CNTN5: variants seen among roughly 807,000 people sequenced by gnomAD.
The protein encoded by CNTN5 is contactin-5.
In CNTN5, 77 loss-of-function variants were observed where a neutral mutation model predicts 129.1. The ratio of observed to expected loss-of-function variants is 0.60; its 90% CI spans 0.50 to 0.72. The LOEUF (loss-of-function observed/expected upper bound fraction) is 0.72. Ranked by LOEUF, CNTN5 falls within the 30% of genes least tolerant of loss-of-function variation. The pLI is 0.00. For missense variants in CNTN5, 1,478 were observed against 1,328.8 expected (o/e 1.11, Z -1.75); for synonymous variants, 509 against 465.6 (o/e 1.09, Z -1.20).
rs1303196271 is a variant in CNTN5, at chr11:100,278,848, A to C, written c.2314+7607A>C. 3.3e-5 allele frequency among the ~76,000 whole-genome samples: 5 copies of C among 152,030 alleles called. No individual in the cohort carries two copies. In the East Asian group the frequency reaches 9.7e-4, roughly 29 times the overall value. On this transcript the variant is annotated intron_variant, in intron 18 of 24. Coordinates refer to ENST00000524871, the MANE Select transcript of CNTN5 (RefSeq NM_014361.4). Reference sequence around the variant, plus strand: ...TAGGACTTCCAGTACTATGCTGAAAAATAGTGGTGAAACTGGGCATTCTTG... The same window carrying C: ...TAGGACTTCCAGTACTATGCTGAAACATAGTGGTGAAACTGGGCATTCTTG...
At chr11:100,291,969 CAAAT>C (rs1950991991) in intron 18 of CNTN5, among the ~76,000 whole-genome samples, 1 of 151,818 alleles carries the variant, frequency 6.6e-6, no homozygotes, top group South Asian at 2.1e-4. Flanking sequence ...ACCTCAGCCT[CAAAT>C]AAATCCTAAG....
chr11:99,896,069 G>A (rs1949198081), intron 6 of CNTN5, among the ~76,000 whole-genome samples: 1 of 152,112 alleles, frequency 6.6e-6, no homozygotes, highest in African/African-American at 2.4e-5. Context: ...CCCAGAGGTA[G>A]CTAACAGGCC....
intron 6 of CNTN5, among the ~76,000 whole-genome samples, chr11:99,886,915 T>C (rs1948915447): frequency 6.6e-6 from 1 of 152,148 alleles, no homozygotes; most frequent in Non-Finnish European, 1.5e-5. Flanking sequence ...AAAGGATCTA[T>C]AAGCGCTTAT....
intron 19 of CNTN5, 136 bp downstream of exon 19, chr11:100,297,831 T>C: frequency 1.5e-6 from 1 of 647,886 alleles, no homozygotes; most frequent in South Asian, 1.9e-5. Flanking sequence ...AATGAACCAC[T>C]GCTGAATAAA....
chr11:99,942,937 T>C (rs2136118229), intron 7 of CNTN5, among the ~76,000 whole-genome samples: 1 of 152,246 alleles, frequency 6.6e-6, no homozygotes, highest in South Asian at 2.1e-4. Context: ...ATTTTCTTTA[T>C]CCAGTCTATC....
At chr11:99,271,510 C>A (rs866593552) in intron 1 of CNTN5, among the ~76,000 whole-genome samples, 1 of 151,748 alleles carries the variant, frequency 6.6e-6, no homozygotes, top group African/African-American at 2.4e-5. Flanking sequence ...TGCTACATAA[C>A]AAATTACTCC....
chr11:99,745,925 A>G (rs1314226171), intron 3 of CNTN5, among the ~76,000 whole-genome samples: 4 of 152,202 alleles, frequency 2.6e-5, no homozygotes, highest in African/African-American at 4.8e-5. Context: ...AGAACTAGCC[A>G]AGAAGACCAG....
chr11:99,522,664 C>A (rs2515381), intron 2 of CNTN5, among the ~76,000 whole-genome samples: 1 of 151,968 alleles, frequency 6.6e-6, no homozygotes, highest in Non-Finnish European at 1.5e-5. Flanking sequence ...GATTTTCTGC[C>A]TTTAATGTAG....
At chr11:99,222,220 CAT>C (rs1860428966) in intron 1 of CNTN5, among the ~76,000 whole-genome samples, 1 of 151,204 alleles carries the variant, frequency 6.6e-6, no homozygotes, top group Non-Finnish European at 1.5e-5. Flanking sequence ...AATTTATAGA[CAT>C]ATAGATTATA....
intron 1 of CNTN5, among the ~76,000 whole-genome samples, chr11:99,312,321 T>C (rs1000366542): frequency 6.6e-5 from 10 of 152,184 alleles, no homozygotes; most frequent in Admixed American, 2.6e-4. Context: ...TAAAAAATTA[T>C]CTTGTCACTT....
At chr11:100,181,250 C>A (rs902664419) in intron 13 of CNTN5, among the ~76,000 whole-genome samples, 1 of 151,878 alleles carries the variant, frequency 6.6e-6, no homozygotes, top group Admixed American at 6.6e-5. Flanking sequence ...CTGATACATG[C>A]AACAATTTGG....
At chr11:99,563,534 A>C (rs928991561) in intron 3 of CNTN5, among the ~76,000 whole-genome samples, 1 of 152,242 alleles carries the variant, frequency 6.6e-6, no homozygotes, top group Non-Finnish European at 1.5e-5. Context: ...GCAGCATAAC[A>C]AATCAGCCCA....
intron 3 of CNTN5, among the ~76,000 whole-genome samples, chr11:99,680,843 G>A (rs1286998360): frequency 6.6e-6 from 1 of 151,736 alleles, no homozygotes; most frequent in African/African-American, 2.4e-5. Flanking sequence ...TCCATAGCCT[G>A]TGATTCTGCT....
intron 1 of CNTN5, among the ~76,000 whole-genome samples, chr11:99,026,452 A>G (rs1863109502): frequency 6.6e-6 from 1 of 151,162 alleles, no homozygotes; most frequent in South Asian, 2.1e-4. Context: ...GAGAATTGAA[A>G]CTCTAAGCTT....
At chr11:99,404,998 A>G (rs1337385184) in intron 2 of CNTN5, among the ~76,000 whole-genome samples, 1 of 152,186 alleles carries the variant, frequency 6.6e-6, no homozygotes, top group Non-Finnish European at 1.5e-5. Context: ...ATACTATTCT[A>G]AGGTAAAACT....
chr11:100,228,987 A>G (rs932682988), intron 16 of CNTN5, among the ~76,000 whole-genome samples: 3 of 152,178 alleles, frequency 2.0e-5, no homozygotes, highest in African/African-American at 4.8e-5. Flanking sequence ...GAAAGGCATT[A>G]ATCTAAGCAC....
At chr11:99,427,357 T>G (rs1943165367) in intron 2 of CNTN5, among the ~76,000 whole-genome samples, 1 of 152,116 alleles carries the variant, frequency 6.6e-6, no homozygotes, top group African/African-American at 2.4e-5. Flanking sequence ...GGGGAAATAA[T>G]TACAAAAACT....
At position 99,502,023 on chromosome 11, in the gene CNTN5, C is replaced by T. The variant is rs150507452; in HGVS notation, c.-70-54122C>T. On this transcript the variant is annotated intron_variant, in intron 2 of 24. Transcript: ENST00000524871. The stretch of plus-strand genomic sequence containing the variant: ...AACGCTGATGGCTCTTCTGAAATTG[C>T]CCCTGCATAGGTTAATCCACAAATT... Among the ~76,000 whole-genome samples, 54 of 152,302 alleles carry T rather than the reference C, an allele frequency of 3.5e-4. 2 individuals carry two copies. The highest frequency in any genetic ancestry group is 1.2e-3 in the African/African-American group (49 of 41,578).
intron 1 of CNTN5, among the ~76,000 whole-genome samples, chr11:99,324,466 A>T (rs912599954): frequency 1.3e-5 from 2 of 152,324 alleles, no homozygotes; most frequent in South Asian, 2.1e-4. Context: ...GTTCATGAAG[A>T]TAGTGTAAAA....
Sources: allele counts gnomAD v4.1 joint callset (sites outside exome capture counted in the v4.1 genomes callset), GRCh38; gene constraint gnomAD v4.1.1; transcripts MANE v1.5; gene names NCBI Gene and HGNC (gene_info 2026-07-23, HGNC 2026-07-21).